PSTPIP1: variants seen among roughly 807,000 people sequenced by gnomAD.
PSTPIP1 encodes proline-serine-threonine phosphatase-interacting protein 1.
A neutral mutation model predicts 69.6 loss-of-function variants in PSTPIP1; 66 were observed. That is an observed-to-expected ratio of 0.95 (90% CI 0.78 to 1.16). PSTPIP1 has a LOEUF of 1.16. Ranked by LOEUF, PSTPIP1 falls within the 50% of genes most tolerant of loss-of-function variation. The probability of loss-of-function intolerance (pLI) is 0.00; values close to 1 mark genes in which losing one functional copy is unlikely to be tolerated. For missense variants in PSTPIP1, 603 were observed against 557.4 expected (o/e 1.08, Z -0.82); for synonymous variants, 266 against 222.7 (o/e 1.19, Z -1.73).
At chr15:77,031,055 T>A (rs2076403610) in intron 9 of PSTPIP1, 125 bp from the exon 10 acceptor site, 2 of 936,892 alleles carry the variant, frequency 2.1e-6, no homozygotes, top group Non-Finnish European at 3.3e-6. Context: ...CACTCTCTCC[T>A]TTGGACTGGG....
chr15:77,028,592 C>G lies in PSTPIP1; in HGVS notation c.456C>G (p.Asp152Glu), dbSNP rs757398558. 3.1e-6 allele frequency: 5 copies of G among 1,603,146 alleles called. No homozygotes were observed. The highest frequency in any genetic ancestry group is 8.5e-7 in the Non-Finnish European group (1 of 1,175,678). ...KTYEQKCRDA[D>E]DAEQAFERIS... ...ACGAGCAGAAGTGCCGGGACGCGGA[C>G]GACGCGGAGCAGGCCTTCGAGCGCA... Residue 152 changes from aspartate (D) to glutamate (E), a missense_variant, in exon 7 of 15, where the codon GAC (aspartate) becomes GAG (glutamate). Physicochemically the swap from Asp to Glu is conservative, Grantham distance 45 (BLOSUM62 2). Coordinates refer to ENST00000558012, the MANE Select transcript of PSTPIP1 (RefSeq NM_003978.5).
At chr15:77,005,136 C>A (rs1268944520) in intron 1 of PSTPIP1, among the ~76,000 whole-genome samples, 2 of 152,154 alleles carry the variant, frequency 1.3e-5, no homozygotes, top group African/African-American at 4.8e-5. Flanking sequence ...ATAATCCCAG[C>A]AGTTTGGGAG....
chr15:77,031,119 C>G (rs747049225), intron 9 of PSTPIP1, 61 bp from the exon 10 acceptor site: 19 of 1,501,164 alleles, frequency 1.3e-5, no homozygotes, highest in Non-Finnish European at 1.7e-5. Context: ...TGAATGGGGC[C>G]CAGCCTGGCC....
At chr15:77,013,930 G>A (rs1012373238) in intron 1 of PSTPIP1, among the ~76,000 whole-genome samples, 7 of 151,364 alleles carry the variant, frequency 4.6e-5, no homozygotes, top group African/African-American at 1.7e-4. Context: ...TGTGTAGGGC[G>A]AGAGGGGAGG....
chr15:77,027,450 C>T lies in PSTPIP1; in HGVS notation c.355-402C>T, dbSNP rs1254372439. ...TGCGTGTGGGCAGCTAGGGATGGGG[C>T]CTGTGTGCCTCCGAGTTAATGTGGA... On this transcript the variant is annotated intron_variant, in intron 5 of 14. Coordinates refer to ENST00000558012, the MANE Select transcript of PSTPIP1 (RefSeq NM_003978.5). The surrounding 1 kb of genome is among the most constrained non-coding windows in gnomAD (Gnocchi z 4.3). Among the ~76,000 whole-genome samples, 1 of 152,112 alleles carries T rather than the reference C, an allele frequency of 6.6e-6. No homozygotes were observed. Among genetic ancestry groups the T allele is most frequent in the Non-Finnish European group, 1.5e-5 (1 of 68,010 alleles).
At chr15:77,020,590 C>T (rs1355809207) in intron 3 of PSTPIP1, among the ~76,000 whole-genome samples, 1 of 152,164 alleles carries the variant, frequency 6.6e-6, no homozygotes, top group African/African-American at 2.4e-5. Context: ...CTGGATGGGT[C>T]AGGAGGATTC....
chr15:76,997,625 G>A (rs2075609646), intron 1 of PSTPIP1, among the ~76,000 whole-genome samples: 2 of 152,214 alleles, frequency 1.3e-5, no homozygotes, highest in African/African-American at 4.8e-5. Flanking sequence ...ACCCCTGGCA[G>A]GCTGGCTTTA....
At chr15:77,013,119 GGGA>G (rs774006820) in intron 1 of PSTPIP1, among the ~76,000 whole-genome samples, 1 of 152,218 alleles carries the variant, frequency 6.6e-6, no homozygotes, top group Non-Finnish European at 1.5e-5. Flanking sequence ...GCTGGTGTGA[GGGA>G]GGAGAGCACC....
intron 12 of PSTPIP1, among the ~76,000 whole-genome samples, chr15:77,033,374 G>C (rs1185512898): frequency 6.6e-6 from 1 of 152,160 alleles, no homozygotes; most frequent in Non-Finnish European, 1.5e-5. Context: ...AAGTGCCAAG[G>C]TCCTAGTGCT....
intron 14 of PSTPIP1, 140 bp from the exon 15 acceptor site, chr15:77,036,905 C>T: frequency 1.8e-6 from 2 of 1,135,216 alleles, no homozygotes; most frequent in Admixed American, 2.4e-5. Flanking sequence ...TACCCCCATC[C>T]TGTGTCCCCA....
chr15:77,024,386 GC>G, intron 3 of PSTPIP1: 1 of 152,284 alleles, frequency 6.6e-6, no homozygotes, highest in Non-Finnish European at 1.5e-5. Flanking sequence ...GAGAGGAGAA[GC>G]CCCCTGAGAA....
Position 77,037,029 on chromosome 15 carries a change from T to G in PSTPIP1, c.1120-16T>G, listed in dbSNP as rs1339429053. On this transcript the variant is annotated splice_polypyrimidine_tract_variant and intron_variant, in intron 14 of 14. Transcript: ENST00000558012. ...CAGGCCCTTCCAACGTCATGCGCTT[T>G]CAATCTCTTGGCCAGAACCCAGATG... The G allele has an allele frequency of 2.5e-6, 4 of 1,610,874 alleles. No homozygotes were observed. The highest frequency in any genetic ancestry group is 3.4e-6 in the Non-Finnish European group (4 of 1,178,878).
intron 14 of PSTPIP1, among the ~76,000 whole-genome samples, chr15:77,036,688 G>A (rs1260353430): frequency 6.6e-6 from 1 of 152,144 alleles, no homozygotes; most frequent in Admixed American, 6.5e-5. Context: ...GCTAGCTGGG[G>A]CTGGGGACCG....
intron 1 of PSTPIP1, among the ~76,000 whole-genome samples, chr15:76,996,249 T>C (rs2075576797): frequency 6.6e-6 from 1 of 152,140 alleles, no homozygotes; most frequent in Admixed American, 6.5e-5. Flanking sequence ...AACACGGGCT[T>C]AAATCAAGTC....
chr15:77,015,571 C>G (rs2076031082), intron 1 of PSTPIP1, among the ~76,000 whole-genome samples: 2 of 152,098 alleles, frequency 1.3e-5, no homozygotes, highest in African/African-American at 4.8e-5. Context: ...GGTAGGTCCC[C>G]TGGGGGTGAT....
chr15:76,995,612 G>A lies in PSTPIP1; in HGVS notation c.36+3G>A, dbSNP rs768053271. On this transcript the variant is annotated splice_donor_region_variant and intron_variant, in intron 1 of 14. Coordinates refer to ENST00000558012, the MANE Select transcript of PSTPIP1 (RefSeq NM_003978.5). ...TGCAGTTCAAAGATGCCTTTTGGGT[G>A]AGTGAGGATGGTTGGGGGCACTGAA... 1 of 1,613,522 alleles carries A rather than the reference G, an allele frequency of 6.2e-7. No homozygotes were observed. The highest frequency in any genetic ancestry group is 8.5e-7 in the Non-Finnish European group (1 of 1,179,894).
At position 77,016,001 on chromosome 15, in the gene PSTPIP1, T is replaced by C; in HGVS notation, c.37-2147T>C. 3.5e-5 allele frequency: 16 copies of C among 456,102 alleles called. No individual in the cohort carries two copies. The Middle Eastern group carries it at 5.2e-3, about 149-fold the overall frequency. The allele number at this position is 456,102 out of a possible 1,614,324, so 28.3% of individuals were successfully genotyped here. On this transcript the variant is annotated intron_variant, in intron 1 of 14. Transcript: ENST00000558012. Reference sequence around the variant, plus strand: ...ACTCCTCCCGAATGGCCAGCGTAGGTTCGGTTTGCTTCTCTTTCCACTCTG... The same window carrying C: ...ACTCCTCCCGAATGGCCAGCGTAGGCTCGGTTTGCTTCTCTTTCCACTCTG...
chr15:77,025,700 G>A (rs1596106035), intron 5 of PSTPIP1, 96 bp downstream of exon 5: 2 of 993,010 alleles, frequency 2.0e-6, no homozygotes, highest in South Asian at 1.5e-5. Flanking sequence ...TAGAGCCAGT[G>A]GAGGGCGGCA....
chr15:77,009,473 A>G (rs2075888797), intron 1 of PSTPIP1, among the ~76,000 whole-genome samples: 1 of 152,182 alleles, frequency 6.6e-6, no homozygotes, highest in Admixed American at 6.5e-5. Flanking sequence ...ATTCTCCCCA[A>G]TTTACAGATG....
Sources: gnomAD v4.1 joint callset for allele counts (sites outside exome capture counted in the v4.1 genomes callset) on GRCh38, gnomAD v4.1.1 for gene constraint, Gnocchi (gnomAD v3.1) non-coding constraint, MANE v1.5 for transcripts, NCBI Gene and HGNC (gene_info 2026-07-23, HGNC 2026-07-21) for gene names.